EXOC6B: variants seen among roughly 807,000 people sequenced by gnomAD.
The protein encoded by EXOC6B is SEC15 homolog B.
In EXOC6B, 54 loss-of-function variants were observed where a neutral mutation model predicts 113.5. The ratio of observed to expected loss-of-function variants is 0.48; its 90% confidence interval spans 0.38 to 0.60. EXOC6B has a LOEUF of 0.60. Ranked by LOEUF, EXOC6B falls within the 20% of genes least tolerant of loss-of-function variation. The pLI, the probability that EXOC6B is intolerant of heterozygous loss-of-function variation, is 0.00. For synonymous variants in EXOC6B, 357 were observed against 339.0 expected, an observed-to-expected ratio of 1.05 and a Z score of -0.58; for missense variants, 797 against 977.5, an observed-to-expected ratio of 0.82 and a Z score of 2.46.
chr2:72,494,573 T>C (rs1699932578), intron 15 of EXOC6B, among the ~76,000 whole-genome samples: 2 of 152,144 alleles, frequency 1.3e-5, no homozygotes, highest in African/African-American at 2.4e-5. Context: ...TACCATGCTT[T>C]CCATTCATTT....
chr2:72,277,460 T>C (rs183340489), intron 20 of EXOC6B, among the ~76,000 whole-genome samples: 3 of 152,118 alleles, frequency 2.0e-5, no homozygotes, highest in Non-Finnish European at 4.4e-5. Context: ...TAGTAAGATA[T>C]GGATGTTGGT....
intron 1 of EXOC6B, among the ~76,000 whole-genome samples, chr2:72,809,240 A>G (rs1408109639): frequency 6.6e-6 from 1 of 152,226 alleles, no homozygotes; most frequent in Non-Finnish European, 1.5e-5. Flanking sequence ...AAATAATTAC[A>G]TTAAATGTAA....
chr2:72,426,030 A>T (rs909796015), intron 18 of EXOC6B, among the ~76,000 whole-genome samples: 3 of 152,160 alleles, frequency 2.0e-5, no homozygotes, highest in Admixed American at 6.5e-5. Flanking sequence ...CAATCTATAG[A>T]TTGCAATTTT....
At chr2:72,574,419 C>A (rs1704704316) in intron 7 of EXOC6B, among the ~76,000 whole-genome samples, 1 of 152,124 alleles carries the variant, frequency 6.6e-6, no homozygotes, top group African/African-American at 2.4e-5. Flanking sequence ...AGACTACTGC[C>A]TCTACTTAAT....
intron 6 of EXOC6B, among the ~76,000 whole-genome samples, chr2:72,663,168 T>G (rs896193393): frequency 1.3e-5 from 2 of 152,204 alleles, no homozygotes; most frequent in Non-Finnish European, 2.9e-5. Flanking sequence ...TTGTAATACA[T>G]CCTTACAATG....
At chr2:72,435,671 G>C (rs979972243) in intron 18 of EXOC6B, among the ~76,000 whole-genome samples, 3 of 151,382 alleles carry the variant, frequency 2.0e-5, no homozygotes, top group Non-Finnish European at 2.9e-5. Flanking sequence ...GATCTTTGTT[G>C]GTTTAAATTC....
At chr2:72,652,808 A>T (rs751701389) in intron 6 of EXOC6B, among the ~76,000 whole-genome samples, 56 of 148,044 alleles carry the variant, frequency 3.8e-4, no homozygotes, top group Non-Finnish European at 6.0e-4. Context: ...GATAATATAT[A>T]ATAGGCATAT....
At chr2:72,625,523 G>A (rs967296105) in intron 6 of EXOC6B, among the ~76,000 whole-genome samples, 3 of 152,056 alleles carry the variant, frequency 2.0e-5, no homozygotes, top group East Asian at 1.9e-4. Flanking sequence ...ACAAGGAAAC[G>A]TCAGTTTCTA....
At chr2:72,723,750 A>G (rs2104745496) in intron 5 of EXOC6B, among the ~76,000 whole-genome samples, 1 of 152,062 alleles carries the variant, frequency 6.6e-6, no homozygotes, top group African/African-American at 2.4e-5. Flanking sequence ...TTAAAAAAAA[A>G]AAAAAAAAAG....
At position 72,498,438 on chromosome 2, in the gene EXOC6B, A is replaced by G. The variant is rs1455379309; in HGVS notation, c.1337+16T>C. On this transcript the variant is annotated intron_variant, in intron 13 of 21. Coordinates refer to ENST00000272427, the MANE Select transcript of EXOC6B (RefSeq NM_015189.3). ...TACATGAACACACACACATATGACT[A>G]TAGATAATTTCTCACCTGAAAATAC... 2.6e-6 allele frequency: 4 copies of G among 1,567,568 alleles called. No homozygotes were observed. In the Admixed American group the frequency reaches 5.1e-5, roughly 20 times the overall value.
chr2:72,797,416 T>C (rs1262299031), intron 1 of EXOC6B, among the ~76,000 whole-genome samples: 2 of 152,234 alleles, frequency 1.3e-5, no homozygotes, highest in African/African-American at 2.4e-5. Flanking sequence ...TAAGAGAAGG[T>C]CTTAATATAG....
intron 8 of EXOC6B, among the ~76,000 whole-genome samples, chr2:72,534,293 G>A (rs1702163296): frequency 1.3e-5 from 2 of 152,088 alleles, no homozygotes; most frequent in East Asian, 1.9e-4. Flanking sequence ...ACTGCTTGAG[G>A]AGGAGATAGA....
chr2:72,498,353 T>C (rs1349401848), intron 13 of EXOC6B, 101 bp downstream of exon 13: 1 of 707,934 alleles, frequency 1.4e-6, no homozygotes, highest in Non-Finnish European at 2.3e-6. Context: ...AAGTAACATA[T>C]ACTTGTTGCC....
chr2:72,766,578 T>G (rs765181934), intron 1 of EXOC6B, among the ~76,000 whole-genome samples: 17 of 152,072 alleles, frequency 1.1e-4, no homozygotes, highest in Non-Finnish European at 2.2e-4. Flanking sequence ...TTTTTTATTA[T>G]AAAACTGGAG....
At chr2:72,336,941 A>T (rs1051589795) in intron 19 of EXOC6B, among the ~76,000 whole-genome samples, 4 of 150,612 alleles carry the variant, frequency 2.7e-5, no homozygotes, top group African/African-American at 9.8e-5. Context: ...TGGGAGGTGG[A>T]GGTTGCAGTG....
intron 18 of EXOC6B, among the ~76,000 whole-genome samples, chr2:72,394,467 T>C (rs1692595693): frequency 6.6e-6 from 1 of 152,086 alleles, no homozygotes; most frequent in Non-Finnish European, 1.5e-5. Flanking sequence ...AACAATGACA[T>C]GGGAATTTTT....
At chr2:72,330,841 C>T (rs1688378946) in intron 20 of EXOC6B, among the ~76,000 whole-genome samples, 1 of 152,000 alleles carries the variant, frequency 6.6e-6, no homozygotes, top group Admixed American at 6.6e-5. Context: ...TTGCGCATTT[C>T]CTATTGCTTT....
At chr2:72,244,859 A>G (rs916278355) in intron 20 of EXOC6B, among the ~76,000 whole-genome samples, 3 of 152,192 alleles carry the variant, frequency 2.0e-5, no homozygotes, top group Non-Finnish European at 4.4e-5. Context: ...AAGAACTGGA[A>G]TTTGAAATTA....
chr2:72,312,512 T>G (rs570143821), intron 20 of EXOC6B, among the ~76,000 whole-genome samples: 1 of 152,156 alleles, frequency 6.6e-6, no homozygotes, highest in African/African-American at 2.4e-5. Context: ...ACATAAAAAG[T>G]TAAGGGTGAA....
Sources: gnomAD v4.1 joint callset for allele counts (sites outside exome capture counted in the v4.1 genomes callset) on GRCh38, gnomAD v4.1.1 for gene constraint, MANE v1.5 for transcripts, NCBI Gene and HGNC (gene_info 2026-07-23, HGNC 2026-07-21) for gene names.